The following DIAPH2 variants were observed in gnomAD, a reference collection of about 807,000 sequenced individuals.
The protein encoded by DIAPH2 is diaphanous related formin 2.
In DIAPH2, 35 loss-of-function variants were observed where a neutral mutation model predicts 92.7. That is an observed-to-expected ratio of 0.38 (90% CI 0.29 to 0.50). DIAPH2 has a LOEUF of 0.50. Among genes scored for constraint, DIAPH2 ranks in the 20% least tolerant of loss-of-function variants. The probability of loss-of-function intolerance (pLI) is 0.94; values close to 1 mark genes in which losing one functional copy is unlikely to be tolerated. For synonymous variants in DIAPH2, 301 were observed against 280.4 expected (o/e 1.07, Z -0.73); for missense variants, 701 against 819.5 (o/e 0.86, Z 1.77).
At chrX:97,392,661 C>T (rs2069670306) in intron 25 of DIAPH2, among the ~76,000 whole-genome samples, 1 of 111,421 alleles carries the variant, frequency 9.0e-6, no homozygotes, top group African/African-American at 3.3e-5. Flanking sequence ...CATAAGGCAG[C>T]ATGCTTTATG....
chrX:97,112,415 A>G (rs2066986479), intron 20 of DIAPH2, among the ~76,000 whole-genome samples: 1 of 111,355 alleles, frequency 9.0e-6, no homozygotes, highest in South Asian at 3.9e-4. Flanking sequence ...AGTGATGGCC[A>G]GTTACCAGTA....
At chrX:97,063,417 C>T (rs1368915102) in intron 17 of DIAPH2, among the ~76,000 whole-genome samples, 3 of 112,187 alleles carry the variant, frequency 2.7e-5, no homozygotes, top group Non-Finnish European at 5.6e-5. Context: ...CATTACCGAA[C>T]ACTGTAGCTG....
chrX:97,536,639 T>A (rs1187039159), intron 26 of DIAPH2, among the ~76,000 whole-genome samples: 1 of 111,889 alleles, frequency 8.9e-6, no homozygotes. Context: ...CTTCTTTCTA[T>A]AGCATTTTGG....
intron 21 of DIAPH2, among the ~76,000 whole-genome samples, chrX:97,116,516 A>G (rs985331872): frequency 1.8e-5 from 2 of 111,890 alleles, no homozygotes; most frequent in African/African-American, 6.5e-5. Flanking sequence ...TTAGGACTTC[A>G]GCATTGTATT....
chrX:97,285,429 G>A (rs958033885), intron 23 of DIAPH2, among the ~76,000 whole-genome samples: 3 of 108,190 alleles, frequency 2.8e-5, no homozygotes, highest in Non-Finnish European at 5.7e-5. Flanking sequence ...GGTCAGGCTG[G>A]CAGTCTGTAT....
intron 4 of DIAPH2, among the ~76,000 whole-genome samples, chrX:96,855,159 A>G (rs1356498559): frequency 9.0e-6 from 1 of 110,998 alleles, no homozygotes; most frequent in African/African-American, 3.3e-5. Context: ...AGAAATTTAT[A>G]TCTTCTCCTT....
At chrX:96,965,767 G>A (rs1156877805) in intron 17 of DIAPH2, among the ~76,000 whole-genome samples, 1 of 111,632 alleles carries the variant, frequency 9.0e-6, no homozygotes, top group Admixed American at 9.5e-5. Flanking sequence ...CTTTGTTTAT[G>A]ATTAGATCCT....
At chrX:97,189,045 G>T (rs1327426946) in intron 22 of DIAPH2, among the ~76,000 whole-genome samples, 1 of 111,851 alleles carries the variant, frequency 8.9e-6, no homozygotes, top group Non-Finnish European at 1.9e-5. Context: ...AGCCAGAGAA[G>T]TTGGCAAGAT....
At chrX:97,042,929 G>A (rs1221706793) in intron 17 of DIAPH2, among the ~76,000 whole-genome samples, 4 of 109,267 alleles carry the variant, frequency 3.7e-5, no homozygotes, top group Non-Finnish European at 7.7e-5. Context: ...TACTTGTCTG[G>A]CAATATCCAT....
chrX:96,915,543 G>A (rs1308882794), intron 7 of DIAPH2, among the ~76,000 whole-genome samples: 1 of 110,046 alleles, frequency 9.1e-6, no homozygotes, highest in African/African-American at 3.3e-5. Context: ...TAGGGCTGAT[G>A]GAACTATTCA....
At chrX:97,223,872 G>T (rs953418061) in intron 22 of DIAPH2, among the ~76,000 whole-genome samples, 2 of 111,431 alleles carry the variant, frequency 1.8e-5, no homozygotes, top group Admixed American at 9.6e-5. Context: ...TTTTGTTTGA[G>T]TCTAGTTCAA....
intron 3 of DIAPH2, among the ~76,000 whole-genome samples, chrX:96,739,551 C>G (rs2147571678): frequency 8.9e-6 from 1 of 111,884 alleles, no homozygotes; most frequent in Admixed American, 9.5e-5. Flanking sequence ...AATCTAGACC[C>G]TACTGTGCCC....
intron 26 of DIAPH2, among the ~76,000 whole-genome samples, chrX:97,464,507 C>A (rs1292805757): frequency 5.4e-5 from 6 of 110,426 alleles, no homozygotes; most frequent in African/African-American, 2.0e-4. Flanking sequence ...AAGTGCCTAT[C>A]TTTATGTGAC....
At chrX:97,113,071 C>T (rs1478245409) in intron 20 of DIAPH2, among the ~76,000 whole-genome samples, 3 of 110,705 alleles carry the variant, frequency 2.7e-5, no homozygotes, top group Non-Finnish European at 3.8e-5. Flanking sequence ...TCAGCCACCG[C>T]GCCCGGCCAC....
At chrX:97,443,642 G>A (rs1473529602) in intron 26 of DIAPH2, among the ~76,000 whole-genome samples, 2 of 112,036 alleles carry the variant, frequency 1.8e-5, no homozygotes, top group African/African-American at 6.5e-5. Flanking sequence ...GAGCAAGCTC[G>A]CATGTCCTAT....
chrX:97,312,351 T>A lies in DIAPH2; in HGVS notation c.2845-35765T>A, dbSNP rs1420769274. 9.3e-4 allele frequency among the ~76,000 whole-genome samples: 71 copies of A among 75,980 alleles called. 2 individuals carry two copies. Among genetic ancestry groups the A allele is most frequent in the African/African-American group, 3.2e-3 (65 of 20,302 alleles). 66.0% of individuals were successfully genotyped at this position (75,980 alleles called of 115,157 possible). ...ACTTTTGATCAATAGAATCCTTTTT[T>A]TTTTTTTTTTTTTTTTTTTTTGAGA... On this transcript the variant is annotated intron_variant, in intron 23 of 26. Coordinates refer to ENST00000324765, the MANE Select transcript of DIAPH2 (RefSeq NM_006729.5).
At chrX:97,354,557 G>C (rs1209040344) in intron 24 of DIAPH2, among the ~76,000 whole-genome samples, 1 of 111,696 alleles carries the variant, frequency 9.0e-6, no homozygotes, top group Non-Finnish European at 1.9e-5. Flanking sequence ...ATTTTTAGTA[G>C]GAGACGGGGT....
intron 23 of DIAPH2, among the ~76,000 whole-genome samples, chrX:97,345,047 AAG>A (rs2069144775): frequency 8.9e-6 from 1 of 112,269 alleles, no homozygotes; most frequent in South Asian, 3.7e-4. Flanking sequence ...CTAAAAAATG[AAG>A]AGTCTTCTTT....
chrX:97,570,115 T>TTAG (rs1375050295), intron 26 of DIAPH2, among the ~76,000 whole-genome samples: 2 of 29,063 alleles, frequency 6.9e-5, no homozygotes, highest in African/African-American at 2.3e-4. Flanking sequence ...TATATATATA[T>TTAG]ATATATATTA....
Sources: allele counts gnomAD v4.1 joint callset (sites outside exome capture counted in the v4.1 genomes callset), GRCh38; gene constraint gnomAD v4.1.1; transcripts MANE v1.5; gene names NCBI Gene and HGNC (gene_info 2026-07-23, HGNC 2026-07-21).